The following GLIS3 variants were observed in gnomAD, a reference collection of about 807,000 sequenced individuals.
GLIS3 encodes the protein zinc finger protein GLIS3.
A neutral mutation model predicts 78.6 loss-of-function variants in GLIS3; 53 were observed. The observed-to-expected ratio is 0.67, with a 90% CI of 0.54 to 0.85. GLIS3 has a LOEUF of 0.85. Among genes scored for constraint, GLIS3 ranks in the 40% least tolerant of loss-of-function variants. GLIS3 has a pLI of 0.00. For missense variants in GLIS3, 1,703 were observed against 1,231.1 expected (o/e 1.38, Z -5.74); for synonymous variants, 684 against 509.9 (o/e 1.34, Z -4.60).
intron 2 of GLIS3, among the ~76,000 whole-genome samples, chr9:4,171,619 G>C (rs1816383077): frequency 6.6e-6 from 1 of 152,194 alleles, no homozygotes; most frequent in Non-Finnish European, 1.5e-5. Context: ...ACATCATTTA[G>C]TGTGACCTTT....
chr9:4,210,808 T>C (rs779039252), intron 2 of GLIS3, among the ~76,000 whole-genome samples: 11 of 152,230 alleles, frequency 7.2e-5, no homozygotes, highest in Non-Finnish European at 1.5e-4. Flanking sequence ...AATAAGCAAG[T>C]CATGGGCCTG....
At chr9:4,301,570 T>A (rs1479441875), upstream of GLIS3, among the ~76,000 whole-genome samples, 1 of 152,180 alleles carries the variant, frequency 6.6e-6, no homozygotes, top group Admixed American at 6.5e-5. Context: ...CAATGCATCA[T>A]GGGAACTTCT....
chr9:4,350,723 G>A (rs564697080), upstream of GLIS3, among the ~76,000 whole-genome samples: 47 of 152,290 alleles, frequency 3.1e-4, 1 homozygote, highest in African/African-American at 1.1e-3. Context: ...GAAGAGTTGG[G>A]ATTGATGTGT....
At chr9:4,462,148 G>C in the GLIS3 span, among the ~76,000 whole-genome samples, 1 of 152,012 alleles carries the variant, frequency 6.6e-6, no homozygotes, top group African/African-American at 2.4e-5. Flanking sequence ...GTCTATAAAA[G>C]GACTCCCCAG....
chr9:4,407,473 G>C, the GLIS3 span, among the ~76,000 whole-genome samples: 3 of 152,026 alleles, frequency 2.0e-5, no homozygotes, highest in African/African-American at 7.2e-5. Context: ...GTGAAACCCC[G>C]TCTCTACTAA....
the GLIS3 span, among the ~76,000 whole-genome samples, chr9:4,450,183 G>A: frequency 3.3e-5 from 5 of 152,142 alleles, no homozygotes; most frequent in Non-Finnish European, 2.9e-5. Context: ...ATCACGACAC[G>A]AGAACTATGT....
the GLIS3 span, among the ~76,000 whole-genome samples, chr9:4,380,972 GA>G: frequency 6.6e-6 from 1 of 152,064 alleles, no homozygotes; most frequent in Non-Finnish European, 1.5e-5. Flanking sequence ...AAAATTAGAA[GA>G]AAAATGTGGG....
intron 2 of GLIS3, among the ~76,000 whole-genome samples, chr9:4,152,576 A>T (rs1834763035): frequency 6.6e-6 from 1 of 152,310 alleles, no homozygotes; most frequent in Non-Finnish European, 1.5e-5. Context: ...ATAATCTCTC[A>T]AATCCTTTCC....
At chr9:4,028,023 C>G (rs994263038) in intron 4 of GLIS3, among the ~76,000 whole-genome samples, 1 of 152,178 alleles carries the variant, frequency 6.6e-6, no homozygotes, top group Non-Finnish European at 1.5e-5. Flanking sequence ...ACCAGCGCAA[C>G]CCGGATCCAC....
chr9:4,085,273 T>A (rs956289625), intron 4 of GLIS3, among the ~76,000 whole-genome samples: 6 of 147,258 alleles, frequency 4.1e-5, no homozygotes, highest in East Asian at 2.0e-4. Context: ...TTTTTTTTTT[T>A]AAATCTTTCC....
intron 6 of GLIS3, among the ~76,000 whole-genome samples, chr9:3,910,784 TG>T (rs1287463294): frequency 6.6e-6 from 1 of 152,230 alleles, no homozygotes; most frequent in Non-Finnish European, 1.5e-5. Flanking sequence ...TTAGTGATCT[TG>T]GCTACTTTGA....
chr9:4,229,386 A>T (rs1295221683), intron 2 of GLIS3, among the ~76,000 whole-genome samples: 1 of 152,262 alleles, frequency 6.6e-6, no homozygotes, highest in Non-Finnish European at 1.5e-5. Context: ...AAGAATTGCA[A>T]GTTGTCTAAC....
intron 4 of GLIS3, among the ~76,000 whole-genome samples, chr9:3,959,493 C>G (rs1358087354): frequency 6.6e-6 from 1 of 152,176 alleles, no homozygotes; most frequent in Non-Finnish European, 1.5e-5. Flanking sequence ...TGGCTTCCTA[C>G]AGTACCCAAA....
At chr9:4,339,047 A>C (rs1392606147) in intron 2 of GLIS3, among the ~76,000 whole-genome samples, 2 of 152,216 alleles carry the variant, frequency 1.3e-5, no homozygotes, top group Non-Finnish European at 2.9e-5. Flanking sequence ...TGAGTTCATG[A>C]AGCAAAATAA....
chr9:4,350,295 G>T (rs969588524), upstream of GLIS3, among the ~76,000 whole-genome samples: 1 of 152,156 alleles, frequency 6.6e-6, no homozygotes, highest in East Asian at 1.9e-4. Context: ...TGAGGAACTG[G>T]GCACGTTTAA....
intron 4 of GLIS3, among the ~76,000 whole-genome samples, chr9:3,959,009 T>A (rs1588316295): frequency 6.6e-6 from 1 of 152,340 alleles, no homozygotes; most frequent in South Asian, 2.1e-4. Flanking sequence ...TTACTTGCCA[T>A]ATTGCTTTGT....
Position 4,033,440 on chromosome 9 carries a change from G to C in GLIS3, c.1710+84328C>G, listed in dbSNP as rs146291277. Reference sequence around the variant, plus strand: ...TAAGGCCCCAAATATCCACAGCAAGGTCTAGAAGGAGGAAGCACAGGCTTT... The same window carrying C: ...TAAGGCCCCAAATATCCACAGCAAGCTCTAGAAGGAGGAAGCACAGGCTTT... On this transcript the variant is annotated intron_variant, in intron 4 of 10. Transcript: ENST00000381971. 1.8e-3 allele frequency among the ~76,000 whole-genome samples: 279 copies of C among 152,248 alleles called. 1 individual carries two copies. Among genetic ancestry groups the C allele is most frequent in the African/African-American group, 6.5e-3 (268 of 41,542 alleles).
At chr9:4,196,403 T>C (rs1351704143) in intron 2 of GLIS3, among the ~76,000 whole-genome samples, 2 of 152,218 alleles carry the variant, frequency 1.3e-5, no homozygotes, top group Admixed American at 6.5e-5. Flanking sequence ...CTCAGGTCCC[T>C]TTCCGCACTG....
chr9:3,954,321 A>C (rs1816942607), intron 4 of GLIS3, among the ~76,000 whole-genome samples: 2 of 152,220 alleles, frequency 1.3e-5, no homozygotes, highest in Admixed American at 6.5e-5. Flanking sequence ...CCCTCCTGCC[A>C]AAGCTTAGAA....
Sources: allele counts gnomAD v4.1 joint callset (sites outside exome capture counted in the v4.1 genomes callset), GRCh38; gene constraint gnomAD v4.1.1; transcripts MANE v1.5; gene names NCBI Gene and HGNC (gene_info 2026-07-23, HGNC 2026-07-21).